The following ADAT1 variants were observed in gnomAD, a reference collection of about 807,000 sequenced individuals.
The protein encoded by ADAT1 is tRNA-specific adenosine deaminase 1.
ADAT1 carries 58 observed loss-of-function variants against 58.6 expected under a neutral mutation model. The ratio of observed to expected loss-of-function variants is 0.99; its 90% confidence interval spans 0.80 to 1.23. The LOEUF is 1.23. ADAT1 is among the 50% of genes most tolerant of loss of function. The pLI is 0.00. For synonymous variants in ADAT1, 254 were observed against 220.8 expected (o/e 1.15, Z -1.33); for missense variants, 741 against 608.6 (o/e 1.22, Z -2.29).
intron 3 of ADAT1, 41 bp from the exon 4 acceptor site, chr16:75,618,681 C>G: frequency 1.9e-6 from 3 of 1,608,936 alleles, no homozygotes; most frequent in African/African-American, 1.3e-5. Context: ...CATATGGAAG[C>G]TGGAGAGGGT....
At position 75,599,049 on chromosome 16, in the gene ADAT1, G is replaced by A; in HGVS notation, c.*1167C>T. The A allele has an allele frequency of 1.2e-6, 1 of 820,770 alleles. No individual in the cohort carries two copies. The highest frequency in any genetic ancestry group is 5.5e-5 in the South Asian group (1 of 18,198). 50.8% of individuals were successfully genotyped at this position (820,770 alleles called of 1,614,324 possible). On this transcript the variant is annotated 3_prime_UTR_variant, in exon 10 of 10. Coordinates refer to ENST00000564657, the MANE Select transcript of ADAT1 (RefSeq NM_001324445.2). Reference sequence around the variant, plus strand: ...AGGATTGGCTGCTGGGTCTATTGCTGATTTGCTGCAGGGCCTTTTGGCTTC... The same window carrying A: ...AGGATTGGCTGCTGGGTCTATTGCTAATTTGCTGCAGGGCCTTTTGGCTTC...
Position 75,612,827 on chromosome 16 carries a change from A to C in ADAT1, c.459T>G (p.Phe153Leu). 6.2e-7 allele frequency: 1 copy of C among 1,613,964 alleles called. No homozygotes were observed. Among genetic ancestry groups the C allele is most frequent in the South Asian group, 1.1e-5 (1 of 91,076 alleles). ...AGACAGGACAGCAAGGCTGATCTTC[A>C]AACTCAAGCATCGGAATGATGGAGG... is the stretch of plus-strand genomic sequence containing the variant. ...GDASIIPMLE[F>L]EDQPCCPVFR... Residue 153 changes from phenylalanine to leucine, a missense_variant, in exon 6 of 10, where the codon TTT (phenylalanine) becomes TTG (leucine). By Grantham distance (22) the Phe-to-Leu change is conservative. Coordinates refer to ENST00000564657, the MANE Select transcript of ADAT1 (RefSeq NM_001324445.2).
intron 8 of ADAT1, among the ~76,000 whole-genome samples, chr16:75,607,395 G>A (rs757385755): frequency 4.6e-5 from 7 of 151,896 alleles, no homozygotes; most frequent in Non-Finnish European, 8.8e-5. Flanking sequence ...CCAGCTACTA[G>A]GAAGGCTGAG....
chr16:75,616,422 TTTAAAGCTTAAAAG>T (rs1348724468), intron 5 of ADAT1, among the ~76,000 whole-genome samples: 4 of 152,264 alleles, frequency 2.6e-5, no homozygotes, highest in Non-Finnish European at 4.4e-5. Flanking sequence ...ATGTGTTAGC[TTTAAAGCTTAAAAG>T]TTTTAAGGTT....
chr16:75,612,950 A>T, intron 5 of ADAT1, 89 bp from the exon 6 acceptor site: 1 of 1,489,212 alleles, frequency 6.7e-7, no homozygotes, highest in Non-Finnish European at 9.0e-7. Flanking sequence ...TTCATCAGAA[A>T]TGCAAACTCT....
At position 75,600,238 on chromosome 16, in the gene ADAT1, G is replaced by A. The variant is rs768358891; in HGVS notation, c.1487C>T (p.Pro496Leu). Residue 496 changes from proline (P) to leucine (L), a missense_variant, in exon 10 of 10, where the codon CCG becomes CTG. Transcript: ENST00000564657. ...QVFGSWIRNP[P>L]DYHQFK ...TTCTCACTTGAACTGGTGATAATCCGGTGGGTTTCTGATCCAGGATCCAAA... is the reference window on the plus strand; with the variant it reads ...TTCTCACTTGAACTGGTGATAATCCAGTGGGTTTCTGATCCAGGATCCAAA... 8.7e-6 allele frequency: 14 copies of A among 1,614,146 alleles called. No homozygotes were observed. The highest frequency in any genetic ancestry group is 2.2e-5 in the East Asian group (1 of 44,886).
Position 75,620,839 on chromosome 16 carries a change from C to A in ADAT1, c.-21-19G>T, listed in dbSNP as rs759910112. ...TTGAGACCTTGATCAAAAACCACAA[C>A]CATCAGAAGTACGGAAAGGAGAACC... On this transcript the variant is annotated intron_variant, in intron 1 of 9. Transcript: ENST00000564657. 5.7e-6 allele frequency: 9 copies of A among 1,587,324 alleles called. No individual in the cohort carries two copies.
intron 5 of ADAT1, among the ~76,000 whole-genome samples, chr16:75,613,482 A>G (rs577522331): frequency 1.2e-4 from 18 of 152,214 alleles, no homozygotes; most frequent in African/African-American, 3.1e-4. Flanking sequence ...TTGTATTTTT[A>G]GTAGAGACGA....
chr16:75,618,801 G>T, intron 3 of ADAT1, 161 bp from the exon 4 acceptor site: 2 of 799,742 alleles, frequency 2.5e-6, no homozygotes, highest in Non-Finnish European at 3.9e-6. Flanking sequence ...AATGCATCAG[G>T]TGCAGGGTTT....
At chr16:75,602,206 TTCAA>T (rs1364562177) in intron 9 of ADAT1, among the ~76,000 whole-genome samples, 1 of 152,214 alleles carries the variant, frequency 6.6e-6, no homozygotes, top group Non-Finnish European at 1.5e-5. Context: ...TGGCCAATAA[TTCAA>T]TCAGTCATAA....
intron 1 of ADAT1, among the ~76,000 whole-genome samples, chr16:75,621,028 C>T (rs16940961): frequency 0.036 from 5,446 of 152,082 alleles, 153 homozygotes; most frequent in African/African-American, 0.079. Context: ...TCTACCAATC[C>T]CCAAAATTAT....
rs1232851746 is a variant in ADAT1 at position 75,612,298 on chromosome 16, C to A, written c.988G>T (p.Val330Phe). ...LEEPIYLSAV[V>F]IGKCPYSQEA... is the part of the protein sequence containing the mutation. ...TGGCTGTATGGGCACTTCCCAATGA[C>A]CACAGCTGACAGGTAGATGGGCTCT... The change falls in exon 6 of 10, where the codon GTC becomes TTC. Residue 330 changes from valine (V) to phenylalanine (F), a missense_variant. Transcript: ENST00000564657. The A allele has an allele frequency of 2.5e-6, 4 of 1,614,050 alleles. No homozygotes were observed. The highest frequency in any genetic ancestry group is 3.4e-6 in the Non-Finnish European group (4 of 1,180,048).
At position 75,599,348 on chromosome 16, in the gene ADAT1, C is replaced by T. The variant is rs996827474; in HGVS notation, c.*868G>A. On this transcript the variant is annotated 3_prime_UTR_variant, in exon 10 of 10. Coordinates refer to ENST00000564657, the MANE Select transcript of ADAT1 (RefSeq NM_001324445.2). Reference sequence around the variant, plus strand: ...CTGCCTGCCTGGGCTTCCCAAAGTGCTGGGATTACAGGCCTGAGCCACCAA... The same window carrying T: ...CTGCCTGCCTGGGCTTCCCAAAGTGTTGGGATTACAGGCCTGAGCCACCAA... 13 of 983,850 alleles carry T rather than the reference C, an allele frequency of 1.3e-5. No homozygotes were observed. The South Asian group carries it at 3.3e-4, about 25-fold the overall frequency. The allele number at this position is 983,850 out of a possible 1,614,324, so 60.9% of individuals were successfully genotyped here.
chr16:75,618,121 A>AGAG lies in ADAT1; in HGVS notation c.293+464_293+465insCTC, dbSNP rs1440110065. 6.7e-4 allele frequency among the ~76,000 whole-genome samples: 96 copies of AGAG among 142,638 alleles called. 2 individuals are homozygous for AGAG. The highest frequency in any genetic ancestry group is 2.4e-3 in the African/African-American group (94 of 38,818). 93.6% of individuals were successfully genotyped at this position (142,638 alleles called of 152,430 possible). A position where few individuals can be genotyped will look rare whatever the true frequency, so the allele number is the denominator to read the frequency against. ...TCCAAAAAAAAAAAAAAAAAAAAAA[A>AGAG]AAAGAGAGAACCACTAGTCTAGACC... On this transcript the variant is annotated intron_variant, in intron 4 of 9. Transcript: ENST00000564657.
chr16:75,615,517 T>G (rs1239128901), intron 5 of ADAT1, among the ~76,000 whole-genome samples: 1 of 28,074 alleles, frequency 3.6e-5, no homozygotes, highest in African/African-American at 1.2e-4. Flanking sequence ...AAAAAAAAAA[T>G]CGCAAGAAAA....
At chr16:75,608,746 GA>G in intron 7 of ADAT1, 96 bp downstream of exon 7, 2 of 1,464,932 alleles carry the variant, frequency 1.4e-6, no homozygotes, top group Non-Finnish European at 1.8e-6. Flanking sequence ...CTAGAGTGGT[GA>G]ACTACCTTCC....
In ADAT1 at chr16:75,612,613, G is replaced by C. The variant is rs116307862; in HGVS notation, c.673C>G (p.Pro225Ala). ...HQSFGKQKSG[P>A]ISPGIHSCDL... ...CAGCTGTGGATGCCTGGTGAGATTG[G>C]GCCACTTTTCTGCTTGCCAAAACTC... Residue 225 changes from proline to alanine, a missense_variant, in exon 6 of 10, where the codon CCA becomes GCA. Pro to Ala is a conservative substitution (Grantham distance 27). Coordinates refer to ENST00000564657, the MANE Select transcript of ADAT1 (RefSeq NM_001324445.2). 1.9e-3 allele frequency: 3,074 copies of C among 1,613,934 alleles called. 60 individuals carry two copies. In the African/African-American group the frequency reaches 0.036, roughly 19 times the overall value.
rs1023015168 is a variant in ADAT1, at chr16:75,623,097, G to A, written c.-716C>T. On this transcript the variant is annotated 5_prime_UTR_variant, in exon 1 of 10. Transcript: ENST00000564657. ...CAGGCGCCGGCTGCTGACAGTTCCA[G>A]GCGTGGAGCGCCTTCCCACGTGAAA... The A allele has an allele frequency of 6.6e-6, 1 of 152,378 alleles. No homozygotes were observed. The highest frequency in any genetic ancestry group is 6.5e-5 in the Admixed American group (1 of 15,284). 9.4% of individuals were successfully genotyped at this position (152,378 alleles called of 1,614,324 possible).
intron 6 of ADAT1, among the ~76,000 whole-genome samples, chr16:75,610,398 G>T (rs1399639392): frequency 6.6e-6 from 1 of 151,932 alleles, no homozygotes; most frequent in East Asian, 1.9e-4. Context: ...CGTGGCTCTG[G>T]TGATCCTCCC....
Sources: gnomAD v4.1 joint callset for allele counts (sites outside exome capture counted in the v4.1 genomes callset) on GRCh38, gnomAD v4.1.1 for gene constraint, MANE v1.5 for transcripts, NCBI Gene and HGNC (gene_info 2026-07-23, HGNC 2026-07-21) for gene names.